The following CLMP variants were observed in gnomAD, a reference collection of about 807,000 sequenced individuals.
CLMP encodes the protein CXADR like cell adhesion molecule, also known as CXADR-like membrane protein.
In CLMP, 27 loss-of-function variants were observed where a neutral mutation model predicts 45.2. The observed-to-expected ratio is 0.60, with a 90% CI of 0.44 to 0.82. CLMP has a LOEUF of 0.82. CLMP is among the 40% of genes least tolerant of loss of function. The pLI is 0.00. For missense variants in CLMP, 403 were observed against 448.4 expected (o/e 0.90, Z 0.91); for synonymous variants, 167 against 171.4 (o/e 0.97, Z 0.20).
chr11:123,152,551 T>C lies in CLMP; in HGVS notation c.28+42362A>G, dbSNP rs528624712. On this transcript the variant is annotated intron_variant, in intron 1 of 6. Transcript: ENST00000448775. ...ATAAATAAATAAATAAATAAATAAA[T>C]AAATAAATAAATAAAAAATAAATAA... is the stretch of plus-strand genomic sequence containing the variant. Among the ~76,000 whole-genome samples the C allele has an allele frequency of 6.0e-5, 9 of 150,338 alleles. No homozygotes were observed. The East Asian group carries it at 1.8e-3, about 29-fold the overall frequency.
At chr11:123,165,559 A>T (rs1565401581) in intron 1 of CLMP, among the ~76,000 whole-genome samples, 1 of 152,122 alleles carries the variant, frequency 6.6e-6, no homozygotes, top group African/African-American at 2.4e-5. Context: ...CAGGTGCACA[A>T]AGGTCCATGG....
chr11:123,080,325 ACT>A (rs1491096107), intron 5 of CLMP, among the ~76,000 whole-genome samples: 9 of 130,264 alleles, frequency 6.9e-5, no homozygotes, highest in African/African-American at 2.6e-4. Flanking sequence ...ATGAAGGTGT[ACT>A]TTTTTTTTTT....
chr11:123,101,636 C>T (rs536273200), intron 1 of CLMP, among the ~76,000 whole-genome samples: 9 of 152,308 alleles, frequency 5.9e-5, no homozygotes, highest in African/African-American at 2.2e-4. Flanking sequence ...AGTGTTATAT[C>T]AGTGGGAAAA....
intron 1 of CLMP, among the ~76,000 whole-genome samples, chr11:123,184,310 G>A (rs1257173644): frequency 1.3e-5 from 2 of 152,150 alleles, no homozygotes; most frequent in African/African-American, 2.4e-5. Flanking sequence ...GGCCAGGCTG[G>A]TCTCGAACTC....
chr11:123,133,391 C>T (rs190971091), intron 1 of CLMP, among the ~76,000 whole-genome samples: 98 of 152,200 alleles, frequency 6.4e-4, no homozygotes, highest in Non-Finnish European at 1.2e-3. Flanking sequence ...GTCTGACCAC[C>T]GTCAACATCT....
intron 1 of CLMP, among the ~76,000 whole-genome samples, chr11:123,158,409 G>C (rs1861442916): frequency 6.6e-6 from 1 of 152,220 alleles, no homozygotes; most frequent in Admixed American, 6.5e-5. Flanking sequence ...AGGATCGGCG[G>C]AAGGTTTGAG....
At chr11:123,163,105 C>G (rs905786618) in intron 1 of CLMP, among the ~76,000 whole-genome samples, 1 of 151,826 alleles carries the variant, frequency 6.6e-6, no homozygotes, top group Non-Finnish European at 1.5e-5. Flanking sequence ...GAAGAAGAGT[C>G]AGGAGAAAGA....
In CLMP at chr11:123,129,346, A is replaced by T. The variant is rs533766925; in HGVS notation, c.29-31394T>A. ...TCTGTCTTAATATACATATATATAA[A>T]ATATATCATATGATATATTATATAA... is the stretch of plus-strand genomic sequence containing the variant. On this transcript the variant is annotated intron_variant, in intron 1 of 6. Coordinates refer to ENST00000448775, the MANE Select transcript of CLMP (RefSeq NM_024769.5). 4.8e-3 allele frequency among the ~76,000 whole-genome samples: 645 copies of T among 133,306 alleles called. 4 individuals carry two copies. Among genetic ancestry groups the T allele is most frequent in the South Asian group, 0.019 (79 of 4,258 alleles). The allele number at this position is 133,306 out of a possible 152,430, so 87.5% of individuals were successfully genotyped here. A position where few individuals can be genotyped will look rare whatever the true frequency, so the allele number is the denominator to read the frequency against.
At chr11:123,141,530 T>C (rs1861159218) in intron 1 of CLMP, among the ~76,000 whole-genome samples, 1 of 152,022 alleles carries the variant, frequency 6.6e-6, no homozygotes, top group African/African-American at 2.4e-5. Context: ...CAACCCTTCC[T>C]CCTTCCTTGT....
At chr11:123,184,573 G>A (rs999656385) in intron 1 of CLMP, among the ~76,000 whole-genome samples, 54 of 152,256 alleles carry the variant, frequency 3.5e-4, no homozygotes, top group Admixed American at 1.4e-3. Context: ...CATGCACCAC[G>A]GAAGGAGCTC....
chr11:123,125,640 G>A (rs1350777148), intron 1 of CLMP, among the ~76,000 whole-genome samples: 1 of 147,160 alleles, frequency 6.8e-6, no homozygotes, highest in East Asian at 2.0e-4. Context: ...GTCTTGCTCT[G>A]TTGCCCAGCC....
At chr11:123,154,198 C>A (rs1159249679) in intron 1 of CLMP, among the ~76,000 whole-genome samples, 1 of 152,148 alleles carries the variant, frequency 6.6e-6, no homozygotes, top group Non-Finnish European at 1.5e-5. Context: ...CTCTCTCACC[C>A]CCTCCTCCAT....
intron 1 of CLMP, among the ~76,000 whole-genome samples, chr11:123,134,036 G>T (rs1861031230): frequency 6.6e-6 from 1 of 152,038 alleles, no homozygotes; most frequent in Non-Finnish European, 1.5e-5. Flanking sequence ...AAGGTGGGCG[G>T]ATCACTTGAG....
At chr11:123,165,572 T>C (rs1222257504) in intron 1 of CLMP, among the ~76,000 whole-genome samples, 1 of 152,164 alleles carries the variant, frequency 6.6e-6, no homozygotes, top group Non-Finnish European at 1.5e-5. Flanking sequence ...GTCCATGGTG[T>C]CCATGGTGAC....
At position 123,164,396 on chromosome 11, in the gene CLMP, C is replaced by T. The variant is rs527368590; in HGVS notation, c.28+30517G>A. Among the ~76,000 whole-genome samples the T allele has an allele frequency of 5.9e-5, 9 of 152,242 alleles. No individual in the cohort carries two copies. In the South Asian group the frequency reaches 6.2e-4, roughly 11 times the overall value. On this transcript the variant is annotated intron_variant, in intron 1 of 6. Transcript: ENST00000448775. ...TCAGCTCACTGCAACTTCTGCCTCCCGGGTTCAAGCAATTCTCCCACCCTA... is the reference window on the plus strand; with the variant it reads ...TCAGCTCACTGCAACTTCTGCCTCCTGGGTTCAAGCAATTCTCCCACCCTA...
intron 1 of CLMP, among the ~76,000 whole-genome samples, chr11:123,142,383 C>A (rs562992104): frequency 6.6e-4 from 100 of 152,172 alleles, no homozygotes; most frequent in African/African-American, 2.3e-3. Context: ...CACTGCTTTC[C>A]GATATACCAC....
chr11:123,152,628 T>G (rs923273818), intron 1 of CLMP, among the ~76,000 whole-genome samples: 2 of 152,098 alleles, frequency 1.3e-5, no homozygotes, highest in African/African-American at 4.8e-5. Flanking sequence ...ACCAAAAACT[T>G]GATCTCAGAC....
At position 123,194,956 on chromosome 11, in the gene CLMP, C is replaced by G. The variant is rs200798582; in HGVS notation, c.-16G>C. The G allele has an allele frequency of 3.7e-6, 6 of 1,611,470 alleles. No individual in the cohort carries two copies. Among genetic ancestry groups the G allele is most frequent in the Non-Finnish European group, 5.1e-6 (6 of 1,178,882 alleles). On this transcript the variant is annotated 5_prime_UTR_variant, in exon 1 of 7. Coordinates refer to ENST00000448775, the MANE Select transcript of CLMP (RefSeq NM_024769.5). ...GGAGGGACATCCCGATCCCCGGACG[C>G]GGGCGCTTCCCCGCTCAGCTGCTGC...
At chr11:123,112,975 G>A (rs933716162) in intron 1 of CLMP, among the ~76,000 whole-genome samples, 8 of 151,780 alleles carry the variant, frequency 5.3e-5, no homozygotes, top group South Asian at 2.1e-4. Flanking sequence ...GGGTTTCACC[G>A]TGTTAGGCAG....
Sources: allele counts gnomAD v4.1 joint callset (sites outside exome capture counted in the v4.1 genomes callset), GRCh38; gene constraint gnomAD v4.1.1; transcripts MANE v1.5; gene names NCBI Gene and HGNC (gene_info 2026-07-23, HGNC 2026-07-21).